Variants in PCDH15 observed in about 807,000 individuals in gnomAD.
PCDH15 encodes protocadherin-15.
PCDH15 carries 129 observed loss-of-function variants against 178.5 expected under a neutral mutation model. That is an observed-to-expected ratio of 0.72 (90% CI 0.63 to 0.84). The LOEUF (loss-of-function observed/expected upper bound fraction) is 0.84, where lower values mean the gene tolerates loss of function less well. Among genes scored for constraint, PCDH15 ranks in the 40% least tolerant of loss-of-function variants. PCDH15 has a pLI of 0.00. For missense variants in PCDH15, 2,230 were observed against 2,099.9 expected (o/e 1.06, Z -1.21); for synonymous variants, 800 against 732.0 (o/e 1.09, Z -1.50).
chr10:53,887,749 C>T (rs1030514908), intron 26 of PCDH15, among the ~76,000 whole-genome samples: 1 of 152,150 alleles, frequency 6.6e-6, no homozygotes, highest in East Asian at 1.9e-4. Context: ...ATTAGCCGGG[C>T]GTGGTGGCAC....
intron 18 of PCDH15, among the ~76,000 whole-genome samples, chr10:54,028,537 C>T (rs943130144): frequency 1.6e-4 from 25 of 151,576 alleles, no homozygotes; most frequent in African/African-American, 4.8e-4. Flanking sequence ...TGGAACCAAC[C>T]CAAATGTCCA....
intron 1 of PCDH15, among the ~76,000 whole-genome samples, chr10:55,222,032 A>G (rs2132185231): frequency 6.7e-6 from 1 of 148,768 alleles, no homozygotes; most frequent in African/African-American, 2.5e-5. Flanking sequence ...ACACCCGGCT[A>G]ATTTTTTTTT....
intron 18 of PCDH15, among the ~76,000 whole-genome samples, chr10:54,056,338 C>T (rs1484828375): frequency 2.0e-5 from 3 of 152,130 alleles, no homozygotes; most frequent in Non-Finnish European, 2.9e-5. Context: ...CTAAAAAAGG[C>T]ATACCTGAGA....
In PCDH15 at chr10:55,330,838, A is replaced by ATATG. The variant is rs1554853795; in HGVS notation, c.-155-164188_-155-164187insCATA. Among the ~76,000 whole-genome samples the ATATG allele has an allele frequency of 2.8e-5, 4 of 144,718 alleles. No homozygotes were observed. The East Asian group carries it at 8.3e-4, about 30-fold the overall frequency. The allele number at this position is 144,718 out of a possible 152,430, so 94.9% of individuals were successfully genotyped here. A position where few individuals can be genotyped will look rare whatever the true frequency, so the allele number is the denominator to read the frequency against. ...CTCTCTTAAATAGATAGATTTATTT[A>ATATG]TGTGTGTGTGTGTGTGTGTGTGTGT... is the stretch of plus-strand genomic sequence containing the variant. On this transcript the variant is annotated intron_variant, in intron 2 of 5. Coordinates refer to the PCDH15 transcript ENST00000613346.
At chr10:55,466,474 A>T (rs552575629) in intron 2 of PCDH15, among the ~76,000 whole-genome samples, 1 of 152,194 alleles carries the variant, frequency 6.6e-6, no homozygotes, top group South Asian at 2.1e-4. Context: ...TTCAGCGCCT[A>T]CATCCGCTGA....
At chr10:55,195,861 GT>G (rs1262265904) in intron 1 of PCDH15, among the ~76,000 whole-genome samples, 4 of 151,908 alleles carry the variant, frequency 2.6e-5, no homozygotes, top group African/African-American at 9.7e-5. Context: ...AAATCCCACT[GT>G]TTATCTTACT....
intron 2 of PCDH15, among the ~76,000 whole-genome samples, chr10:55,455,605 ATT>A (rs1839532941): frequency 3.4e-5 from 2 of 59,442 alleles, no homozygotes; most frequent in Non-Finnish European, 5.1e-5. Flanking sequence ...TAGATTATTA[ATT>A]GAAAAAAAAG....
chr10:55,155,332 C>A (rs1838853307), intron 2 of PCDH15, among the ~76,000 whole-genome samples: 1 of 151,662 alleles, frequency 6.6e-6, no homozygotes, highest in South Asian at 2.1e-4. Flanking sequence ...TCTGTTTAAT[C>A]TCGTCTTAGT....
chr10:53,890,431 A>T (rs1017382212), intron 26 of PCDH15, among the ~76,000 whole-genome samples: 1 of 152,172 alleles, frequency 6.6e-6, no homozygotes, highest in Non-Finnish European at 1.5e-5. Context: ...TGTCTCAAAA[A>T]AAAGAACAAA....
In PCDH15 at chr10:55,570,687, A is replaced by G. The variant is rs537447150; in HGVS notation, c.-156+56938T>C. 2.0e-5 allele frequency among the ~76,000 whole-genome samples: 3 copies of G among 152,126 alleles called. No homozygotes were observed. In the East Asian group the frequency reaches 5.8e-4, roughly 30 times the overall value. On this transcript the variant is annotated intron_variant, in intron 2 of 5. Coordinates refer to the PCDH15 transcript ENST00000613346. ...GCAGTGATTTATACTATACTGCAGG[A>G]TTTACTATGAGATATTTATCATATC...
chr10:54,064,422 T>A (rs1391612019), intron 18 of PCDH15, among the ~76,000 whole-genome samples: 2 of 152,250 alleles, frequency 1.3e-5, no homozygotes, highest in East Asian at 3.9e-4. Flanking sequence ...CCACTGGAAC[T>A]GATGGGCTGG....
chr10:54,976,257 G>C lies in PCDH15; in HGVS notation c.-79-78757C>G, dbSNP rs75614151. Among the ~76,000 whole-genome samples the C allele has an allele frequency of 2.2e-4, 34 of 152,178 alleles. No individual in the cohort carries two copies. The East Asian group carries it at 5.6e-3, about 25-fold the overall frequency. On this transcript the variant is annotated intron_variant, in intron 2 of 5. Coordinates refer to the PCDH15 transcript ENST00000458638. Reference sequence around the variant, plus strand: ...TAGTCTTAAAATCAATCTCAAGATTGGTTCTAGAACTATTGTCTAATTGTC... The same window carrying C: ...TAGTCTTAAAATCAATCTCAAGATTCGTTCTAGAACTATTGTCTAATTGTC...
At chr10:55,445,549 C>T (rs1020131532) in intron 2 of PCDH15, among the ~76,000 whole-genome samples, 1 of 152,234 alleles carries the variant, frequency 6.6e-6, no homozygotes, top group African/African-American at 2.4e-5. Context: ...CTGAAAAATA[C>T]ATATGCTACA....
chr10:55,373,531 C>CA (rs1291232314), intron 2 of PCDH15, among the ~76,000 whole-genome samples: 1 of 151,776 alleles, frequency 6.6e-6, no homozygotes, highest in Non-Finnish European at 1.5e-5. Context: ...TACAGAAGGA[C>CA]AGTACAGGTA....
chr10:54,554,537 A>G lies in PCDH15; in HGVS notation c.92-26660T>C, dbSNP rs1267394861. 3.3e-5 allele frequency among the ~76,000 whole-genome samples: 5 copies of G among 152,316 alleles called. No homozygotes were observed. In the East Asian group the frequency reaches 9.6e-4, roughly 29 times the overall value. On this transcript the variant is annotated intron_variant, in intron 2 of 37. Transcript: ENST00000644397. The stretch of plus-strand genomic sequence containing the variant: ...TTAGAGAAAACCAGAAGTATTTAGG[A>G]AAGCTATACACAGTGGAGAAAATAT...
intron 1 of PCDH15, among the ~76,000 whole-genome samples, chr10:54,668,072 T>C (rs1418896226): frequency 6.6e-6 from 1 of 152,098 alleles, no homozygotes; most frequent in Non-Finnish European, 1.5e-5. Flanking sequence ...TTGTATTTCC[T>C]GCAAGATAAA....
intron 1 of PCDH15, among the ~76,000 whole-genome samples, chr10:54,682,898 T>C (rs2094925335): frequency 6.6e-6 from 1 of 152,166 alleles, no homozygotes. Context: ...ATTTGCTTGA[T>C]AGCATACTAA....
chr10:55,044,191 G>A (rs572612113), intron 2 of PCDH15, among the ~76,000 whole-genome samples: 37 of 152,016 alleles, frequency 2.4e-4, no homozygotes, highest in African/African-American at 8.9e-4. Flanking sequence ...GAACAACTAT[G>A]GTAATACTAC....
intron 2 of PCDH15, among the ~76,000 whole-genome samples, chr10:54,559,640 A>T (rs2087790781): frequency 6.6e-6 from 1 of 152,018 alleles, no homozygotes; most frequent in Non-Finnish European, 1.5e-5. Flanking sequence ...GACTAAAAAA[A>T]TGTTGGTTTG....
Sources: gnomAD v4.1 joint callset for allele counts (sites outside exome capture counted in the v4.1 genomes callset) on GRCh38, gnomAD v4.1.1 for gene constraint, MANE v1.5 for transcripts, NCBI Gene and HGNC (gene_info 2026-07-23, HGNC 2026-07-21) for gene names.